Variants in PHACTR2 observed in about 807,000 individuals in gnomAD.
PHACTR2 encodes the protein chromosome 6 open reading frame 56.
PHACTR2 carries 30 observed loss-of-function variants against 76.0 expected under a neutral mutation model. The observed-to-expected ratio is 0.39, with a 90% CI of 0.30 to 0.54. The LOEUF (loss-of-function observed/expected upper bound fraction) is 0.54, where lower values mean the gene tolerates loss of function less well. Ranked by LOEUF, PHACTR2 falls within the 20% of genes least tolerant of loss-of-function variation. The probability of loss-of-function intolerance (pLI) is 0.61; values close to 1 mark genes in which losing one functional copy is unlikely to be tolerated. For missense variants in PHACTR2, 696 were observed against 781.1 expected (o/e 0.89, Z 1.30); for synonymous variants, 292 against 292.5 (o/e 1.00, Z 0.02).
intron 2 of PHACTR2, among the ~76,000 whole-genome samples, chr6:143,729,198 T>C (rs193289724): frequency 2.0e-5 from 3 of 152,284 alleles, no homozygotes; most frequent in African/African-American, 7.2e-5. Context: ...TTATTTGTTT[T>C]CTTACTATTG....
intron 1 of PHACTR2, among the ~76,000 whole-genome samples, chr6:143,579,647 C>G (rs1055589389): frequency 6.6e-6 from 1 of 152,016 alleles, no homozygotes; most frequent in Non-Finnish European, 1.5e-5. Flanking sequence ...GGAAGGTGAG[C>G]GGAAGGGGCC....
At chr6:143,813,255 A>G (rs1436923885) in intron 12 of PHACTR2, among the ~76,000 whole-genome samples, 1 of 152,220 alleles carries the variant, frequency 6.6e-6, no homozygotes, top group East Asian at 1.9e-4. Flanking sequence ...GAGCCGCAAG[A>G]GATCATTGGC....
Position 143,693,725 on chromosome 6 carries a change from T to G in PHACTR2, c.46+15516T>G, listed in dbSNP as rs541263353. 1.1e-4 allele frequency among the ~76,000 whole-genome samples: 17 copies of G among 152,310 alleles called. 1 individual carries two copies. In the South Asian group the frequency reaches 3.1e-3, roughly 28 times the overall value. On this transcript the variant is annotated intron_variant, in intron 1 of 12. Coordinates refer to ENST00000440869, the MANE Select transcript of PHACTR2 (RefSeq NM_001100164.2). The stretch of plus-strand genomic sequence containing the variant: ...CCCCACTCACCTCAACAGTGCCATA[T>G]TCATATTACTTGAGTAAGAGGAGGC...
At chr6:143,802,976 A>G (rs1205421816) in intron 11 of PHACTR2, among the ~76,000 whole-genome samples, 1 of 152,162 alleles carries the variant, frequency 6.6e-6, no homozygotes, top group South Asian at 2.1e-4. Flanking sequence ...TTCCATTGCC[A>G]TATCATTCAC....
chr6:143,567,421 C>A (rs1428962483), intron 1 of PHACTR2, among the ~76,000 whole-genome samples: 3 of 152,100 alleles, frequency 2.0e-5, no homozygotes, highest in Non-Finnish European at 4.4e-5. Context: ...TATTTTGAGA[C>A]AGAGTCTTGC....
In PHACTR2 at chr6:143,621,626, G is replaced by C. The variant is rs1420678404; in HGVS notation, c.13+13304G>C. ...AAGGAATGGAATTAGAGTTGTAAAA[G>C]AAGAATGCAGTTCCTGGCTGAGCCT... On this transcript the variant is annotated intron_variant, in intron 1 of 11. Transcript: ENST00000305766. The surrounding 1 kb of genome is among the most constrained non-coding windows in gnomAD (Gnocchi z 4.1). Among the ~76,000 whole-genome samples, 3 of 152,228 alleles carry C rather than the reference G, an allele frequency of 2.0e-5. No homozygotes were observed. The highest frequency in any genetic ancestry group is 2.0e-4 in the Admixed American group (3 of 15,286).
chr6:143,658,410 T>TC lies in PHACTR2; in HGVS notation c.13+50091dup, dbSNP rs35756489. ...CGAATTACAGCACTCAGTCTCTTTT[T>TC]CCCAACAGATTTTTTTCAATAAAGT... On this transcript the variant is annotated intron_variant, in intron 1 of 11. Coordinates refer to the PHACTR2 transcript ENST00000305766. The surrounding 1 kb of genome is among the most constrained non-coding windows in gnomAD (Gnocchi z 4.1). 6.6e-6 allele frequency among the ~76,000 whole-genome samples: 1 copy of TC among 152,214 alleles called. No homozygotes were observed. The highest frequency in any genetic ancestry group is 6.5e-5 in the Admixed American group (1 of 15,274).
intron 2 of PHACTR2, among the ~76,000 whole-genome samples, chr6:143,714,590 C>T (rs550552498): frequency 6.6e-6 from 1 of 152,314 alleles, no homozygotes; most frequent in South Asian, 2.1e-4. Context: ...CCCCAGCTTC[C>T]AGTTCTCTGG....
intron 2 of PHACTR2, among the ~76,000 whole-genome samples, chr6:143,715,151 T>C (rs1778274518): frequency 6.6e-6 from 1 of 152,224 alleles, no homozygotes; most frequent in Admixed American, 6.5e-5. Context: ...AACCATTAAA[T>C]TTAGTGTCGT....
In PHACTR2 at chr6:143,742,376, C is replaced by T. The variant is rs1351854171; in HGVS notation, c.215-6609C>T. On this transcript the variant is annotated intron_variant, in intron 2 of 12. Transcript: ENST00000440869. This position sits in a 1 kb window ranked among gnomAD's most constrained non-coding sequence, Gnocchi z 4.5. Reference sequence around the variant, plus strand: ...GTTGTTAACTTCAGTTCTCCTCTTGCGGAGGCAAGGTGGCCACTAGCCACT... The same window carrying T: ...GTTGTTAACTTCAGTTCTCCTCTTGTGGAGGCAAGGTGGCCACTAGCCACT... Among the ~76,000 whole-genome samples, 4 of 152,186 alleles carry T rather than the reference C, an allele frequency of 2.6e-5. No individual in the cohort carries two copies. The highest frequency in any genetic ancestry group is 2.1e-4 in the South Asian group (1 of 4,836).
At position 143,772,308 on chromosome 6, in the gene PHACTR2, C is replaced by T; in HGVS notation, c.1283C>T (p.Pro428Leu). 3.1e-6 allele frequency: 5 copies of T among 1,614,004 alleles called. No homozygotes were observed. Among genetic ancestry groups the T allele is most frequent in the Non-Finnish European group, 4.2e-6 (5 of 1,179,916 alleles). ...AAGACAGTGCCTCAGCTACTGACTC[C>T]TGGGCTGATGGGCGAATCTTCAGAA... is the stretch of plus-strand genomic sequence containing the variant. The part of the protein sequence containing the change: ...LGKTVPQLLT[P>L]GLMGESSESF... The change falls in exon 7 of 13, where the codon CCT becomes CTT. Residue 428 changes from proline to leucine, a missense_variant. By Grantham distance (98) the Pro-to-Leu change is moderately conservative (BLOSUM62 -3). Around this residue, in one of 2 missense-constraint regions of PHACTR2, gnomAD observed 236 missense variants for 330.2 expected, o/e 0.71. Transcript: ENST00000440869. The surrounding 1 kb of genome is among the most constrained non-coding windows in gnomAD (Gnocchi z 5.4).
intron 1 of PHACTR2, among the ~76,000 whole-genome samples, chr6:143,574,146 C>G (rs1207634792): frequency 6.6e-6 from 1 of 152,178 alleles, no homozygotes; most frequent in Non-Finnish European, 1.5e-5. Flanking sequence ...AGCTGTGTGG[C>G]TGAGTGCCCC....
chr6:143,771,160 A>G (rs9376785), intron 6 of PHACTR2, among the ~76,000 whole-genome samples: 3,969 of 21,430 alleles, frequency 0.19, 196 homozygotes, highest in African/African-American at 0.25. Context: ...ATATATATGT[A>G]TATATATATA....
chr6:143,684,839 A>G lies in PHACTR2; in HGVS notation c.46+6630A>G, dbSNP rs1405294713. Among the ~76,000 whole-genome samples the G allele has an allele frequency of 6.6e-6, 1 of 152,262 alleles. No individual in the cohort carries two copies. The highest frequency in any genetic ancestry group is 1.5e-5 in the Non-Finnish European group (1 of 68,044). On this transcript the variant is annotated intron_variant, in intron 1 of 12. Coordinates refer to ENST00000440869, the MANE Select transcript of PHACTR2 (RefSeq NM_001100164.2). The surrounding 1 kb of genome is among the most constrained non-coding windows in gnomAD (Gnocchi z 4.3). ...ACACTCTACACAACTGTACATGACC[A>G]CAATGCTGTGCATAAATAATTTTTT...
chr6:143,591,826 C>A lies in PHACTR2; in HGVS notation c.217+54619C>A, dbSNP rs188505845. Among the ~76,000 whole-genome samples the A allele has an allele frequency of 1.5e-4, 23 of 152,318 alleles. No individual in the cohort carries two copies. In the East Asian group the frequency reaches 4.4e-3, roughly 29 times the overall value. On this transcript the variant is annotated intron_variant, in intron 1 of 11. Transcript: ENST00000367584. This position sits in a 1 kb window ranked among gnomAD's most constrained non-coding sequence, Gnocchi z 6.4. Reference sequence around the variant, plus strand: ...TGGAACCCAGACATCCTTTCCTATGCCATGTTTTGGTTACTTTGGGCCCTA... The same window carrying A: ...TGGAACCCAGACATCCTTTCCTATGACATGTTTTGGTTACTTTGGGCCCTA...
intron 1 of PHACTR2, among the ~76,000 whole-genome samples, chr6:143,699,627 T>C (rs1777853665): frequency 6.6e-6 from 1 of 152,160 alleles, no homozygotes; most frequent in Non-Finnish European, 1.5e-5. Flanking sequence ...GCACCTGAAG[T>C]TCATGGTGCC....
rs925733767 is a variant in PHACTR2 at position 143,558,102 on chromosome 6, A to C, written c.217+20895A>C. On this transcript the variant is annotated intron_variant, in intron 1 of 11. Transcript: ENST00000367584. This position sits in a 1 kb window ranked among gnomAD's most constrained non-coding sequence, Gnocchi z 4.7. ...TCTTCCTTGTCACCTAAGGTCCCTT[A>C]TGTCTTCATTTTTGCCCTGGATCCA... 6.6e-6 allele frequency: 1 copy of C among 152,002 alleles called. No homozygotes were observed. Among genetic ancestry groups the C allele is most frequent in the Non-Finnish European group, 1.5e-5 (1 of 67,988 alleles). The allele number at this position is 152,002 out of a possible 1,614,324, so 9.4% of individuals were successfully genotyped here. A position where few individuals can be genotyped will look rare whatever the true frequency, so the allele number is the denominator to read the frequency against.
In PHACTR2 at chr6:143,793,745, C is replaced by G. The variant is rs960360286; in HGVS notation, c.1845+4835C>G. 4.0e-5 allele frequency among the ~76,000 whole-genome samples: 6 copies of G among 151,706 alleles called. No homozygotes were observed. Among genetic ancestry groups the G allele is most frequent in the Non-Finnish European group, 8.8e-5 (6 of 67,920 alleles). On this transcript the variant is annotated intron_variant, in intron 11 of 12. Coordinates refer to ENST00000440869, the MANE Select transcript of PHACTR2 (RefSeq NM_001100164.2). This position sits in a 1 kb window ranked among gnomAD's most constrained non-coding sequence, Gnocchi z 4.4. Reference sequence around the variant, plus strand: ...GCCTGAGCAATGTGGTGAAACTCTGCCTCTACTAAAAAATACAAAAAATTA... The same window carrying G: ...GCCTGAGCAATGTGGTGAAACTCTGGCTCTACTAAAAAATACAAAAAATTA...
intron 1 of PHACTR2, among the ~76,000 whole-genome samples, chr6:143,634,969 A>C (rs1339167383): frequency 6.6e-6 from 1 of 152,164 alleles, no homozygotes; most frequent in Non-Finnish European, 1.5e-5. Context: ...GAGGAACTGA[A>C]GTAATTTCTA....
Sources: allele counts gnomAD v4.1 joint callset (sites outside exome capture counted in the v4.1 genomes callset), GRCh38; gene constraint gnomAD v4.1.1; regional missense constraint gnomAD v4.1.1; non-coding constraint Gnocchi (gnomAD v3.1); transcripts MANE v1.5; gene names NCBI Gene and HGNC (gene_info 2026-07-23, HGNC 2026-07-21).